Variants in CTSH observed in about 807,000 individuals in gnomAD.
The protein encoded by CTSH is cathepsin H.
A neutral mutation model predicts 56.3 loss-of-function variants in CTSH; 52 were observed. The observed-to-expected ratio is 0.92, with a 90% CI of 0.74 to 1.16. The LOEUF is 1.16. Among genes scored for constraint, CTSH ranks in the 50% most tolerant of loss-of-function variants. CTSH has a pLI of 0.00. For missense variants in CTSH, 406 were observed against 424.5 expected (o/e 0.96, Z 0.38); for synonymous variants, 174 against 155.7 (o/e 1.12, Z -0.88).
intron 9 of CTSH, chr15:78,926,333 G>T (rs900991546): frequency 3.3e-5 from 5 of 152,464 alleles, no homozygotes; most frequent in African/African-American, 1.2e-4. Context: ...CTGGTATGTG[G>T]ACAAGGCCTT....
chr15:78,934,898 C>A (rs769491003), intron 5 of CTSH, 80 bp downstream of exon 5: 1 of 918,414 alleles, frequency 1.1e-6, no homozygotes, highest in Non-Finnish European at 1.8e-6. Flanking sequence ...GTTTTGTGGA[C>A]CTTTTGAGTT....
chr15:78,941,452 TA>T (rs1237409815), intron 1 of CTSH, among the ~76,000 whole-genome samples: 3 of 104,532 alleles, frequency 2.9e-5, no homozygotes, highest in Non-Finnish European at 4.0e-5. Flanking sequence ...AAAAAAAAAT[TA>T]AATGTTTTTA....
At chr15:78,931,592 C>T (rs2055062460) in intron 6 of CTSH, 86 bp from the exon 7 acceptor site, 1 of 1,607,096 alleles carries the variant, frequency 6.2e-7, no homozygotes, top group South Asian at 1.1e-5. Flanking sequence ...CTGGCTGAGC[C>T]ACATCTGAGG....
At chr15:78,923,504 GT>G (rs2054824246) in intron 10 of CTSH, among the ~76,000 whole-genome samples, 1 of 152,194 alleles carries the variant, frequency 6.6e-6, no homozygotes, top group Non-Finnish European at 1.5e-5. Context: ...GGCTAGGTTG[GT>G]CTCGAGCTCC....
intron 9 of CTSH, chr15:78,927,415 T>C (rs2054932551): frequency 2.1e-6 from 1 of 465,550 alleles, no homozygotes; most frequent in Non-Finnish European, 3.9e-6. Flanking sequence ...TCATACCCTC[T>C]TCTGCAGGAT....
chr15:78,922,559 G>A (rs998478972), intron 11 of CTSH, among the ~76,000 whole-genome samples: 2 of 152,174 alleles, frequency 1.3e-5, no homozygotes, highest in Admixed American at 6.6e-5. Flanking sequence ...GAATCTGGGA[G>A]GACAGGACAA....
chr15:78,922,307 C>G, intron 11 of CTSH, 102 bp from the exon 12 acceptor site: 1 of 879,898 alleles, frequency 1.1e-6, no homozygotes, highest in Non-Finnish European at 1.8e-6. Flanking sequence ...GGGGTGAGAC[C>G]CTCTAAATTT....
intron 8 of CTSH, 54 bp from the exon 9 acceptor site, chr15:78,927,835 C>T (rs1219731993): frequency 1.4e-6 from 2 of 1,450,094 alleles, no homozygotes; most frequent in Non-Finnish European, 1.9e-6. Context: ...AAGTCTCAGC[C>T]TCCCCACGCA....
chr15:78,931,827 T>C, intron 6 of CTSH: 2 of 1,301,588 alleles, frequency 1.5e-6, no homozygotes, highest in South Asian at 3.2e-5. Flanking sequence ...CAGCGGTGTA[T>C]AGGATGGGGG....
chr15:78,939,837 C>T (rs145079300), intron 1 of CTSH, among the ~76,000 whole-genome samples: 2,092 of 152,266 alleles, frequency 0.014, 133 homozygotes, highest in Admixed American at 0.1. Context: ...GAGCCGAGAT[C>T]GTGCCACTGC....
Position 78,921,973 on chromosome 15 carries a change from T to A in CTSH, c.*157A>T. On this transcript the variant is annotated 3_prime_UTR_variant, in exon 12 of 12. Transcript: ENST00000220166. ...GGTGAGCTCATGGTGGAACTCCTCC[T>A]TGTCTGTAGGTTTCCAGGCTGGGCA... 1.5e-6 allele frequency: 1 copy of A among 647,734 alleles called. No homozygotes were observed. Among genetic ancestry groups the A allele is most frequent in the Non-Finnish European group, 2.7e-6 (1 of 374,092 alleles). The allele number at this position is 647,734 out of a possible 1,614,324, so 40.1% of individuals were successfully genotyped here.
chr15:78,933,850 G>A (rs1298718792), intron 5 of CTSH, among the ~76,000 whole-genome samples: 2 of 152,220 alleles, frequency 1.3e-5, no homozygotes, highest in Non-Finnish European at 2.9e-5. Context: ...TCCCCACACA[G>A]CGGCCACAGT....
rs569758944 is a variant in CTSH at position 78,927,696 on chromosome 15, G to A, written c.699+17C>T. The stretch of plus-strand genomic sequence containing the variant: ...ATCAGGACACATTCCCCATCCCAGA[G>A]GGGGATCGGCACTCACGATTGTGAT... On this transcript the variant is annotated intron_variant, in intron 9 of 11. Coordinates refer to ENST00000220166, the MANE Select transcript of CTSH (RefSeq NM_004390.5). 11 of 1,610,734 alleles carry A rather than the reference G, an allele frequency of 6.8e-6. No individual in the cohort carries two copies. In the South Asian group the frequency reaches 1.1e-4, roughly 16 times the overall value.
intron 1 of CTSH, among the ~76,000 whole-genome samples, chr15:78,941,906 A>G (rs550783030): frequency 8.5e-5 from 13 of 152,366 alleles, no homozygotes; most frequent in Admixed American, 3.9e-4. Context: ...TAATTGTTAA[A>G]CATCAAAAGT....
chr15:78,936,409 T>C (rs1407054891), intron 3 of CTSH, among the ~76,000 whole-genome samples: 1 of 151,456 alleles, frequency 6.6e-6, no homozygotes, highest in Non-Finnish European at 1.5e-5. Flanking sequence ...CTCGAACTCC[T>C]GACCCTGTCT....
At chr15:78,942,870 A>G (rs1295391961) in intron 1 of CTSH, among the ~76,000 whole-genome samples, 3 of 152,168 alleles carry the variant, frequency 2.0e-5, no homozygotes, top group African/African-American at 7.2e-5. Flanking sequence ...ACCACACAGC[A>G]TTTAGATCTC....
intron 7 of CTSH, among the ~76,000 whole-genome samples, chr15:78,930,752 T>G (rs1016380811): frequency 6.6e-6 from 1 of 152,018 alleles, no homozygotes; most frequent in Non-Finnish European, 1.5e-5. Flanking sequence ...CACGGCTCCC[T>G]GCAGGAGGAA....
In CTSH at chr15:78,927,739, C is replaced by T. The variant is rs1041763073; in HGVS notation, c.673G>A (p.Val225Ile). Residue 225 changes from valine to isoleucine, a missense_variant, in exon 9 of 12, where the codon GTC becomes ATC. Transcript: ENST00000220166. ...KFQPGKAIGF[V>I]KDVANITIYD... ...ATTGTGATGTTGGCTACATCCTTGA[C>T]AAAGCCGATGGCCTTTCCAGGTTGG... The T allele has an allele frequency of 9.9e-6, 16 of 1,614,084 alleles. No individual in the cohort carries two copies. Among genetic ancestry groups the T allele is most frequent in the African/African-American group, 2.7e-5 (2 of 74,934 alleles).
chr15:78,928,245 C>A (rs1261188468), intron 8 of CTSH, among the ~76,000 whole-genome samples: 1 of 152,002 alleles, frequency 6.6e-6, no homozygotes. Context: ...TAGGAACCAG[C>A]ATGTGGCTGG....
Sources: allele counts gnomAD v4.1 joint callset (sites outside exome capture counted in the v4.1 genomes callset), GRCh38; gene constraint gnomAD v4.1.1; transcripts MANE v1.5; gene names NCBI Gene and HGNC (gene_info 2026-07-23, HGNC 2026-07-21).